Variants in WDR41 observed in about 807,000 individuals in gnomAD.
WDR41 encodes the protein WD repeat-containing protein 41.
Under a neutral mutation model 69.3 loss-of-function variants are expected in WDR41, and 63 were observed. The observed-to-expected ratio is 0.91, with a 90% CI of 0.74 to 1.12. WDR41 has a LOEUF of 1.12. Among genes scored for constraint, WDR41 ranks in the 50% most tolerant of loss-of-function variants. WDR41 has a pLI of 0.00. For missense variants in WDR41, 543 were observed against 534.5 expected, an observed-to-expected ratio of 1.02 and a Z score of -0.16; for synonymous variants, 185 against 192.1, an observed-to-expected ratio of 0.96 and a Z score of 0.31.
At chr5:77,613,949 G>GA (rs960778181) in intron 1 of WDR41, among the ~76,000 whole-genome samples, 30 of 151,898 alleles carry the variant, frequency 2.0e-4, no homozygotes, top group Non-Finnish European at 3.7e-4. Context: ...AAATTTACAA[G>GA]AAAAAAACAA....
In WDR41 at chr5:77,502,375, A is replaced by G. The variant is rs139244989; in HGVS notation, c.43-12803T>C. ...TCCGAGAAATATGGGACTATGTGAA[A>G]AGACCAAATCTACGTTTGATAGGTG... is the stretch of plus-strand genomic sequence containing the variant. On this transcript the variant is annotated intron_variant, in intron 1 of 5. Transcript: ENST00000509971. Among the ~76,000 whole-genome samples the G allele has an allele frequency of 6.7e-3, 1,020 of 152,292 alleles. 8 individuals are homozygous for G. The highest frequency in any genetic ancestry group is 0.023 in the African/African-American group (968 of 41,556).
rs984589039 is a variant in WDR41 at position 77,476,043 on chromosome 5, G to A, written c.168-11234C>T. On this transcript the variant is annotated intron_variant, in intron 2 of 12. Coordinates refer to ENST00000296679, the MANE Select transcript of WDR41 (RefSeq NM_018268.4). ...GAAGAATGCAGAAGCCTCAGAAGCCGATGCGATCAACTGGAAGAAAGGGTA... is the reference window on the plus strand; with the variant it reads ...GAAGAATGCAGAAGCCTCAGAAGCCAATGCGATCAACTGGAAGAAAGGGTA... 5.8e-4 allele frequency among the ~76,000 whole-genome samples: 88 copies of A among 152,226 alleles called. 2 individuals carry two copies. Among genetic ancestry groups the A allele is most frequent in the African/African-American group, 2.0e-3 (81 of 41,536 alleles).
chr5:77,436,255 C>CA lies in WDR41; in HGVS notation c.1227+5dup, dbSNP rs747095616. 5 of 1,607,750 alleles carry CA rather than the reference C, an allele frequency of 3.1e-6. No individual in the cohort carries two copies. Among genetic ancestry groups the CA allele is most frequent in the Non-Finnish European group, 4.3e-6 (5 of 1,176,348 alleles). ...GCTTGGACATTCTGTGGCTAAACAG[C>CA]AATACCTCCACAGATGATGAGTGTC... On this transcript the variant is annotated splice_donor_region_variant and intron_variant, in intron 12 of 12. Transcript: ENST00000296679.
chr5:77,492,804 A>G (rs554143175), upstream of WDR41, among the ~76,000 whole-genome samples: 1 of 152,334 alleles, frequency 6.6e-6, no homozygotes, highest in Non-Finnish European at 1.5e-5. Context: ...TGTGTGCTAT[A>G]GTACAGCTAC....
intron 1 of WDR41, among the ~76,000 whole-genome samples, chr5:77,518,180 AT>A (rs5868871): frequency 0.17 from 26,325 of 151,826 alleles, 3,849 homozygotes; most frequent in African/African-American, 0.39. Context: ...AGTATATGGG[AT>A]TTTTTTTGTT....
chr5:77,517,566 T>C (rs1441254882), intron 1 of WDR41, among the ~76,000 whole-genome samples: 1 of 151,408 alleles, frequency 6.6e-6, no homozygotes, highest in African/African-American at 2.4e-5. Flanking sequence ...TCCTTTATGA[T>C]ATATCTTTTC....
At chr5:77,505,447 A>T (rs1483871924) in intron 1 of WDR41, among the ~76,000 whole-genome samples, 1 of 152,196 alleles carries the variant, frequency 6.6e-6, no homozygotes, top group African/African-American at 2.4e-5. Context: ...AAATGGCCAT[A>T]CTGCCCGAGG....
At chr5:77,494,227 A>G (rs753539454), upstream of WDR41, among the ~76,000 whole-genome samples, 14 of 152,360 alleles carry the variant, frequency 9.2e-5, no homozygotes, top group Middle Eastern at 3.4e-3. Flanking sequence ...TAAGCTAAAT[A>G]CAAAAGATGG....
rs1435089540 is a variant in WDR41, at chr5:77,584,404, A to AG, written c.42+36074_42+36075insC. On this transcript the variant is annotated intron_variant, in intron 1 of 5. Transcript: ENST00000509971. ...AGTTGAGCAAGGTTGCAATAAACCA[A>AG]AATCAGTTGTATTTTTATACCCTTG... Among the ~76,000 whole-genome samples the AG allele has an allele frequency of 3.3e-5, 5 of 152,356 alleles. No individual in the cohort carries two copies. The East Asian group carries it at 9.6e-4, about 29-fold the overall frequency.
intron 1 of WDR41, chr5:77,540,617 G>A (rs1433123411): frequency 2.6e-5 from 4 of 151,708 alleles, no homozygotes; most frequent in Admixed American, 6.6e-5. Flanking sequence ...GAGGTGGGAG[G>A]ATCACCTGAG....
intron 1 of WDR41, among the ~76,000 whole-genome samples, chr5:77,598,649 TTTTTTTG>T (rs1744267674): frequency 1.5e-5 from 2 of 135,090 alleles, no homozygotes; most frequent in Non-Finnish European, 3.3e-5. Flanking sequence ...GTTTCCTTTT[TTTTTTTG>T]TTTTTTTTGT....
At chr5:77,476,324 G>C (rs1419825163) in intron 2 of WDR41, among the ~76,000 whole-genome samples, 2 of 150,748 alleles carry the variant, frequency 1.3e-5, no homozygotes, top group African/African-American at 4.9e-5. Context: ...TACAGAGAAC[G>C]CCACAAAGAT....
intron 1 of WDR41, among the ~76,000 whole-genome samples, chr5:77,587,589 C>G (rs897528292): frequency 2.6e-5 from 4 of 152,072 alleles, no homozygotes; most frequent in Admixed American, 2.0e-4. Flanking sequence ...GTGCCTTTCC[C>G]TGGTAAGTAA....
At chr5:77,520,073 TAAC>T (rs888027211) in intron 1 of WDR41, among the ~76,000 whole-genome samples, 71 of 152,138 alleles carry the variant, frequency 4.7e-4, no homozygotes, top group Non-Finnish European at 7.8e-4. Flanking sequence ...ATTAGAGACC[TAAC>T]ATTCAGATGA....
At chr5:77,605,802 C>A (rs138909659) in intron 1 of WDR41, among the ~76,000 whole-genome samples, 21 of 152,076 alleles carry the variant, frequency 1.4e-4, no homozygotes, top group Admixed American at 1.2e-3. Context: ...GTCAAATAAC[C>A]CTTTGTGCTT....
rs1355233759 is a variant in WDR41, at chr5:77,432,142, TAAATC to T, written c.*988_*992del. On this transcript the variant is annotated 3_prime_UTR_variant, in exon 13 of 13. Transcript: ENST00000296679. Reference sequence around the variant, plus strand: ...GTAGTATATTTGTATAATGAACAAATAAATCTGTAGGTTTTCTGTAAGAAGGGTCA... The same window carrying T: ...GTAGTATATTTGTATAATGAACAAATTGTAGGTTTTCTGTAAGAAGGGTCA... 2.0e-5 allele frequency: 3 copies of T among 152,214 alleles called. No individual in the cohort carries two copies. Among genetic ancestry groups the T allele is most frequent in the Non-Finnish European group, 2.9e-5 (2 of 68,018 alleles). The allele number at this position is 152,214 out of a possible 1,614,324, so 9.4% of individuals were successfully genotyped here.
At chr5:77,604,799 A>C (rs1307880022) in intron 1 of WDR41, among the ~76,000 whole-genome samples, 3 of 152,204 alleles carry the variant, frequency 2.0e-5, no homozygotes, top group African/African-American at 7.2e-5. Flanking sequence ...ATACTACATA[A>C]CTTTAAAAAA....
intron 2 of WDR41, among the ~76,000 whole-genome samples, chr5:77,481,653 C>T (rs1041862880): frequency 2.6e-5 from 4 of 151,956 alleles, no homozygotes; most frequent in Admixed American, 1.3e-4. Context: ...GGTGTGGTGG[C>T]ACATGCCTGT....
intron 1 of WDR41, among the ~76,000 whole-genome samples, chr5:77,558,094 T>TTTAAAAAAAAAAA (rs1554036365): frequency 1.5e-4 from 16 of 104,260 alleles, no homozygotes; most frequent in African/African-American, 4.3e-4. Flanking sequence ...ATGTTCTTTT[T>TTTAAAAAAAAAAA]AAAAAAAAAA....
Sources: gnomAD v4.1 joint callset for allele counts (sites outside exome capture counted in the v4.1 genomes callset) on GRCh38, gnomAD v4.1.1 for gene constraint, MANE v1.5 for transcripts, NCBI Gene and HGNC (gene_info 2026-07-23, HGNC 2026-07-21) for gene names.